Variants in DLC1 observed in about 807,000 individuals in gnomAD.
DLC1 encodes the protein rho GTPase-activating protein 7.
Under a neutral mutation model 140.3 loss-of-function variants are expected in DLC1, and 54 were observed. The observed-to-expected ratio is 0.38, with a 90% CI of 0.31 to 0.48. The LOEUF is 0.48. Among genes scored for constraint, DLC1 ranks in the 20% least tolerant of loss-of-function variants. The probability of loss-of-function intolerance (pLI) is 0.96; values close to 1 mark genes in which losing one functional copy is unlikely to be tolerated. For missense variants in DLC1, 2,536 were observed against 1,907.0 expected, an observed-to-expected ratio of 1.33 and a Z score of -6.14; for synonymous variants, 986 against 728.1, an observed-to-expected ratio of 1.35 and a Z score of -5.70.
At chr8:13,093,273 T>G (rs1203551746) in intron 12 of DLC1, among the ~76,000 whole-genome samples, 1 of 152,146 alleles carries the variant, frequency 6.6e-6, no homozygotes, top group African/African-American at 2.4e-5. Context: ...CTCTCAGCCT[T>G]GAGTACAAAA....
chr8:13,185,209 G>A (rs546473010), intron 5 of DLC1, among the ~76,000 whole-genome samples: 3 of 146,800 alleles, frequency 2.0e-5, no homozygotes, highest in South Asian at 2.2e-4. Flanking sequence ...CTTTGCATGC[G>A]AGATGGGTCT....
intron 4 of DLC1, among the ~76,000 whole-genome samples, chr8:13,389,079 C>T (rs1836642668): frequency 6.6e-6 from 1 of 152,014 alleles, no homozygotes; most frequent in Non-Finnish European, 1.5e-5. Context: ...GATTATTCTA[C>T]ACAGTAGAAT....
intron 13 of DLC1, among the ~76,000 whole-genome samples, chr8:13,091,684 G>A (rs1432456771): frequency 6.6e-6 from 1 of 152,070 alleles, no homozygotes; most frequent in East Asian, 1.9e-4. Flanking sequence ...AATTAAATAG[G>A]TTCCTACTGG....
chr8:13,086,001 A>T (rs1817524844), intron 17 of DLC1, 70 bp from the exon 18 acceptor site: 2 of 1,585,894 alleles, frequency 1.3e-6, no homozygotes, highest in Admixed American at 3.5e-5. Flanking sequence ...AATGAGAAAC[A>T]TCTGTTTGCT....
chr8:13,108,732 G>A (rs1819801708), intron 7 of DLC1, among the ~76,000 whole-genome samples: 1 of 152,130 alleles, frequency 6.6e-6, no homozygotes, highest in South Asian at 2.1e-4. Context: ...TTCCTAAGAT[G>A]CATCTCAGAA....
intron 1 of DLC1, among the ~76,000 whole-genome samples, chr8:13,546,468 A>G (rs1011140446): frequency 6.6e-6 from 1 of 152,148 alleles, no homozygotes; most frequent in African/African-American, 2.4e-5. Flanking sequence ...TTTCTTTAAA[A>G]AAGCACATTT....
At chr8:13,142,816 G>A (rs985212553) in intron 5 of DLC1, among the ~76,000 whole-genome samples, 4 of 152,122 alleles carry the variant, frequency 2.6e-5, no homozygotes, top group Non-Finnish European at 4.4e-5. Context: ...TTGGGAGGCC[G>A]AGGCAGGTGG....
intron 5 of DLC1, among the ~76,000 whole-genome samples, chr8:13,185,491 TAG>T (rs931554279): frequency 1.3e-5 from 2 of 151,976 alleles, no homozygotes; most frequent in African/African-American, 4.8e-5. Flanking sequence ...GTATTTTTAG[TAG>T]AGACAGGATT....
At chr8:13,426,033 G>A (rs7822880) in intron 2 of DLC1, among the ~76,000 whole-genome samples, 5,053 of 152,156 alleles carry the variant, frequency 0.033, 271 homozygotes, top group African/African-American at 0.11. Context: ...GGCTGCTCTC[G>A]AACTCCTAGG....
intron 1 of DLC1, among the ~76,000 whole-genome samples, chr8:13,537,149 T>G (rs546154871): frequency 6.6e-6 from 1 of 152,176 alleles, no homozygotes; most frequent in Non-Finnish European, 1.5e-5. Flanking sequence ...TAGTCTGCTA[T>G]TATATTAGCA....
intron 5 of DLC1, among the ~76,000 whole-genome samples, chr8:13,261,396 C>A (rs1407330523): frequency 1.3e-5 from 2 of 152,052 alleles, no homozygotes; most frequent in African/African-American, 4.8e-5. Flanking sequence ...AGTAGGTAGG[C>A]CCCAGGTCAG....
intron 1 of DLC1, among the ~76,000 whole-genome samples, chr8:13,513,280 A>G (rs10105463): frequency 0.078 from 11,889 of 152,146 alleles, 667 homozygotes; most frequent in East Asian, 0.17. Flanking sequence ...GGAGATTTTA[A>G]TTAAATCATA....
At chr8:13,462,106 C>G (rs184558082) in intron 2 of DLC1, among the ~76,000 whole-genome samples, 6 of 152,266 alleles carry the variant, frequency 3.9e-5, no homozygotes, top group African/African-American at 1.4e-4. Context: ...TTGCTCACCT[C>G]CAGCCTTTTT....
intron 5 of DLC1, among the ~76,000 whole-genome samples, chr8:13,127,856 G>C (rs1364245898): frequency 6.6e-6 from 1 of 152,234 alleles, no homozygotes; most frequent in Non-Finnish European, 1.5e-5. Context: ...GGGCAGGGCA[G>C]AGAACAAAAT....
chr8:13,450,173 A>G (rs1410639597), intron 2 of DLC1, among the ~76,000 whole-genome samples: 1 of 152,058 alleles, frequency 6.6e-6, no homozygotes, highest in Admixed American at 6.6e-5. Context: ...AACCAAGGAG[A>G]GGCCAGGCAT....
intron 5 of DLC1, among the ~76,000 whole-genome samples, chr8:13,201,358 A>G (rs2117068036): frequency 6.6e-6 from 1 of 152,352 alleles, no homozygotes; most frequent in Non-Finnish European, 1.5e-5. Context: ...TACAGTTCAC[A>G]TTGTAAAGAT....
At chr8:13,308,443 A>T (rs1214027807) in intron 4 of DLC1, among the ~76,000 whole-genome samples, 1 of 152,220 alleles carries the variant, frequency 6.6e-6, no homozygotes, top group African/African-American at 2.4e-5. Context: ...TTTATCTTTG[A>T]ATTTGAGGGA....
chr8:13,188,801 GTA>G (rs1237501850), intron 5 of DLC1, among the ~76,000 whole-genome samples: 1,398 of 71,758 alleles, frequency 0.019, 18 homozygotes, highest in Non-Finnish European at 0.025. Context: ...GTGTGTGTGT[GTA>G]TATATATATA....
chr8:13,506,318 C>T (rs1326997961), intron 1 of DLC1, among the ~76,000 whole-genome samples: 2 of 151,414 alleles, frequency 1.3e-5, no homozygotes, highest in Non-Finnish European at 2.9e-5. Flanking sequence ...AATAAATGAA[C>T]ACATGATTGA....
Sources: allele counts gnomAD v4.1 joint callset (sites outside exome capture counted in the v4.1 genomes callset), GRCh38; gene constraint gnomAD v4.1.1; transcripts MANE v1.5; gene names NCBI Gene and HGNC (gene_info 2026-07-23, HGNC 2026-07-21).